Variants in SEMA4D observed in about 807,000 individuals in gnomAD.
SEMA4D encodes semaphorin-4D.
SEMA4D carries 22 observed loss-of-function variants against 74.8 expected under a neutral mutation model. The ratio of observed to expected loss-of-function variants is 0.29; its 90% confidence interval spans 0.21 to 0.42. SEMA4D has a LOEUF of 0.42. Among genes scored for constraint, SEMA4D ranks in the 10% least tolerant of loss-of-function variants. SEMA4D has a pLI of 1.00. For synonymous variants in SEMA4D, 445 were observed against 463.7 expected (o/e 0.96, Z 0.52); for missense variants, 937 against 1,118.4 (o/e 0.84, Z 2.31).
At position 89,429,698 on chromosome 9, in the gene SEMA4D, A is replaced by T. The variant is rs566565883; in HGVS notation, c.-243-23999T>A. ...CCAGCCGGGTGACAGTGGCCGAGGG[A>T]CGTACCCGACCTCCAGAAGCCCGGG... On this transcript the variant is annotated intron_variant, in intron 2 of 15. Coordinates refer to ENST00000422704, the MANE Select transcript of SEMA4D (RefSeq NM_001371194.2). 2.1e-3 allele frequency among the ~76,000 whole-genome samples: 320 copies of T among 152,250 alleles called. 1 individual carries two copies. Among genetic ancestry groups the T allele is most frequent in the African/African-American group, 6.7e-3 (280 of 41,538 alleles).
chr9:89,373,117 C>T (rs141969447), downstream of SEMA4D, among the ~76,000 whole-genome samples: 385 of 152,198 alleles, frequency 2.5e-3, 1 homozygote, highest in Non-Finnish European at 4.4e-3. Context: ...TGGGCCTCCA[C>T]CCCACCACCA....
At position 89,378,590 on chromosome 9, in the gene SEMA4D, C is replaced by A. The variant is rs1016991387; in HGVS notation, c.*114G>T. ...GAGGACTGAGGTTGTCTGCACGATGCGGGCTAACCTACGCAGCACTGCACG... is the reference window on the plus strand; with the variant it reads ...GAGGACTGAGGTTGTCTGCACGATGAGGGCTAACCTACGCAGCACTGCACG... On this transcript the variant is annotated 3_prime_UTR_variant, in exon 16 of 16. Coordinates refer to ENST00000422704, the MANE Select transcript of SEMA4D (RefSeq NM_001371194.2). The A allele has an allele frequency of 6.9e-6, 5 of 722,066 alleles. No homozygotes were observed. In the African/African-American group the frequency reaches 7.1e-5, roughly 10 times the overall value. 44.7% of individuals were successfully genotyped at this position (722,066 alleles called of 1,614,324 possible).
chr9:89,405,896 G>T, intron 2 of SEMA4D, 197 bp from the exon 3 acceptor site: 1 of 1,216,134 alleles, frequency 8.2e-7, no homozygotes, highest in Non-Finnish European at 1.0e-6. Flanking sequence ...AGGGTCTTCA[G>T]GAGTCAGTGC....
chr9:89,428,620 G>A (rs1181758671), intron 2 of SEMA4D, among the ~76,000 whole-genome samples: 2 of 151,742 alleles, frequency 1.3e-5, no homozygotes, highest in African/African-American at 2.4e-5. Flanking sequence ...GTCATGCAGC[G>A]CAGGCCAGCT....
At chr9:89,486,315 G>C (rs79081088) in intron 1 of SEMA4D, among the ~76,000 whole-genome samples, 12 of 152,264 alleles carry the variant, frequency 7.9e-5, no homozygotes, top group African/African-American at 2.9e-4. Context: ...GTGGTTGCTA[G>C]GTCTGGGGAA....
At chr9:89,421,808 T>C (rs989929678) in intron 2 of SEMA4D, among the ~76,000 whole-genome samples, 5 of 152,048 alleles carry the variant, frequency 3.3e-5, no homozygotes, top group Admixed American at 3.3e-4. Flanking sequence ...TGCGTGTGTG[T>C]GTGTGTGTGG....
intron 2 of SEMA4D, among the ~76,000 whole-genome samples, chr9:89,420,001 C>T (rs1846560327): frequency 6.6e-6 from 1 of 152,288 alleles, no homozygotes; most frequent in Admixed American, 6.5e-5. Context: ...CCCAGAACTG[C>T]TCATCCTGTG....
At chr9:89,489,240 C>T (rs1212194293) in intron 1 of SEMA4D, among the ~76,000 whole-genome samples, 1 of 152,190 alleles carries the variant, frequency 6.6e-6, no homozygotes, top group Admixed American at 6.5e-5. Flanking sequence ...ATCTACTTAC[C>T]ATGAAACCCT....
chr9:89,414,213 T>C (rs970651261), intron 2 of SEMA4D, among the ~76,000 whole-genome samples: 4 of 152,172 alleles, frequency 2.6e-5, no homozygotes, highest in Non-Finnish European at 4.4e-5. Context: ...CCAGGGAAAC[T>C]GAAAGGGGAT....
At chr9:89,442,156 C>T (rs1328559822) in intron 2 of SEMA4D, among the ~76,000 whole-genome samples, 3 of 131,664 alleles carry the variant, frequency 2.3e-5, no homozygotes, top group African/African-American at 2.8e-5. Flanking sequence ...GCCCAGGACA[C>T]ATCTTCAGGC....
In SEMA4D at chr9:89,459,231, C is replaced by T. The variant is rs1402172099; in HGVS notation, c.-309-3278G>A. ...CAGATCTCTGGGCCCCAGTTGGAGC[C>T]CCAGTCCGGTAGTGCTCTGGGGGGG... is the stretch of plus-strand genomic sequence containing the variant. On this transcript the variant is annotated intron_variant, in intron 1 of 15. Transcript: ENST00000422704. Among the ~76,000 whole-genome samples the T allele has an allele frequency of 8.6e-5, 13 of 151,284 alleles. No individual in the cohort carries two copies. The East Asian group carries it at 2.5e-3, about 29-fold the overall frequency.
At chr9:89,409,887 A>G (rs534615966) in intron 2 of SEMA4D, among the ~76,000 whole-genome samples, 1 of 152,370 alleles carries the variant, frequency 6.6e-6, no homozygotes, top group East Asian at 1.9e-4. Flanking sequence ...GTCCAGAGCC[A>G]GGAGATGGGA....
intron 1 of SEMA4D, among the ~76,000 whole-genome samples, chr9:89,473,179 T>C (rs1860848007): frequency 6.6e-6 from 1 of 152,218 alleles, no homozygotes; most frequent in Non-Finnish European, 1.5e-5. Flanking sequence ...TTGTAAATGA[T>C]ACTACATTTT....
At chr9:89,491,077 C>T (rs1416106702) in intron 1 of SEMA4D, among the ~76,000 whole-genome samples, 1 of 152,198 alleles carries the variant, frequency 6.6e-6, no homozygotes, top group Non-Finnish European at 1.5e-5. Context: ...GAAGTGAATA[C>T]ATTTTGTCAT....
chr9:89,451,083 A>C (rs1051093942), intron 2 of SEMA4D, among the ~76,000 whole-genome samples: 2 of 152,188 alleles, frequency 1.3e-5, no homozygotes, highest in Non-Finnish European at 2.9e-5. Context: ...TTGTAACCCT[A>C]CGATAGAACA....
At chr9:89,421,982 G>A (rs1422784697) in intron 2 of SEMA4D, among the ~76,000 whole-genome samples, 1 of 152,210 alleles carries the variant, frequency 6.6e-6, no homozygotes, top group African/African-American at 2.4e-5. Context: ...CCTTAATCAT[G>A]TGGTTTTCTA....
chr9:89,379,593 T>G lies in SEMA4D; in HGVS notation c.1700A>C (p.Lys567Thr), dbSNP rs754424755. The G allele has an allele frequency of 3.1e-6, 5 of 1,610,804 alleles. No homozygotes were observed. The highest frequency in any genetic ancestry group is 4.2e-6 in the Non-Finnish European group (5 of 1,177,960). Residue 567 changes from lysine (K) to threonine (T), a missense_variant, in exon 16 of 16, where the codon AAG (lysine) becomes ACG (threonine). Coordinates refer to ENST00000422704, the MANE Select transcript of SEMA4D (RefSeq NM_001371194.2). ...TTTCAGTTCCGCTGTGCCACCGTGC[T>G]TGAAAAAATGCTGCCGGTAACTTCC... The part of the protein sequence containing the change: ...SKGSYRQHFF[K>T]HGGTAELKCS...
At chr9:89,426,739 T>A in intron 2 of SEMA4D, among the ~76,000 whole-genome samples, 1 of 152,150 alleles carries the variant, frequency 6.6e-6, no homozygotes, top group Non-Finnish European at 1.5e-5. Flanking sequence ...TCAACCTCAG[T>A]ATCAGAGGAA....
At chr9:89,399,197 G>A (rs545870319) in intron 5 of SEMA4D, 79 bp downstream of exon 5, 15 of 1,244,062 alleles carry the variant, frequency 1.2e-5, no homozygotes, top group Non-Finnish European at 1.8e-5. Context: ...CTGCACTGCA[G>A]GCATGCTGGC....
Sources: gnomAD v4.1 joint callset for allele counts (sites outside exome capture counted in the v4.1 genomes callset) on GRCh38, gnomAD v4.1.1 for gene constraint, MANE v1.5 for transcripts, NCBI Gene and HGNC (gene_info 2026-07-23, HGNC 2026-07-21) for gene names.